The following BMP7 variants were observed in gnomAD, a reference collection of about 807,000 sequenced individuals.
The protein encoded by BMP7 is osteogenic protein 1.
Under a neutral mutation model 41.2 loss-of-function variants are expected in BMP7, and 12 were observed. The observed-to-expected ratio is 0.29, with a 90% CI of 0.19 to 0.47. The LOEUF is 0.47. BMP7 is among the 20% of genes least tolerant of loss of function. The probability of loss-of-function intolerance (pLI) is 0.99; values close to 1 mark genes in which losing one functional copy is unlikely to be tolerated. For synonymous variants in BMP7, 248 were observed against 250.0 expected, an observed-to-expected ratio of 0.99 and a Z score of 0.07; for missense variants, 467 against 606.0, an observed-to-expected ratio of 0.77 and a Z score of 2.41.
chr20:57,211,424 C>A (rs1351541561), intron 2 of BMP7, among the ~76,000 whole-genome samples: 3 of 151,580 alleles, frequency 2.0e-5, no homozygotes, highest in Non-Finnish European at 2.9e-5. Flanking sequence ...GGCCCACCAT[C>A]AAAAAAAAGG....
chr20:57,191,137 CA>C (rs1425619765), intron 3 of BMP7, among the ~76,000 whole-genome samples: 6 of 152,182 alleles, frequency 3.9e-5, no homozygotes, highest in Non-Finnish European at 5.9e-5. Context: ...GTCTGACCTA[CA>C]AAACCCAAGA....
intron 4 of BMP7, among the ~76,000 whole-genome samples, chr20:57,175,724 C>T (rs1265903366): frequency 6.6e-6 from 1 of 152,202 alleles, no homozygotes; most frequent in Non-Finnish European, 1.5e-5. Flanking sequence ...TTCCTTCCAC[C>T]CCACAACAGA....
intron 2 of BMP7, among the ~76,000 whole-genome samples, chr20:57,205,553 A>G (rs1984711248): frequency 6.6e-6 from 1 of 152,202 alleles, no homozygotes. Flanking sequence ...TCTCCTACTG[A>G]ATCAGGCTCC....
chr20:57,225,168 G>T (rs1985281870), intron 2 of BMP7, among the ~76,000 whole-genome samples: 1 of 152,216 alleles, frequency 6.6e-6, no homozygotes, highest in Non-Finnish European at 1.5e-5. Flanking sequence ...GCGGGCCCAG[G>T]TTGGGGACAT....
At chr20:57,260,907 A>G (rs2066151673) in intron 1 of BMP7, among the ~76,000 whole-genome samples, 1 of 152,230 alleles carries the variant, frequency 6.6e-6, no homozygotes, top group Non-Finnish European at 1.5e-5. Flanking sequence ...CATGGTGCAA[A>G]GGGCTCCCCA....
chr20:57,242,140 G>C (rs912270616), intron 1 of BMP7, among the ~76,000 whole-genome samples: 1 of 152,218 alleles, frequency 6.6e-6, no homozygotes, highest in African/African-American at 2.4e-5. Context: ...TTCTCAGCCA[G>C]AGCTGACTTT....
chr20:57,175,187 C>T (rs530565073), intron 4 of BMP7, among the ~76,000 whole-genome samples, 180 bp from the exon 5 acceptor site: 4 of 152,350 alleles, frequency 2.6e-5, no homozygotes, highest in Non-Finnish European at 4.4e-5. Context: ...CTCATTTCTA[C>T]CCCCAGCAAA....
At chr20:57,222,421 A>G (rs1325551705) in intron 2 of BMP7, among the ~76,000 whole-genome samples, 8 of 152,110 alleles carry the variant, frequency 5.3e-5, no homozygotes, top group African/African-American at 1.9e-4. Flanking sequence ...GATTGAACAC[A>G]GTGGTTTGCC....
intron 3 of BMP7, among the ~76,000 whole-genome samples, chr20:57,185,345 C>T (rs73914109): frequency 0.02 from 3,018 of 152,232 alleles, 91 homozygotes; most frequent in African/African-American, 0.069. Flanking sequence ...GGTGATGTCT[C>T]GAATAACAAG....
At chr20:57,187,270 G>A (rs970966483) in intron 3 of BMP7, 2 of 152,226 alleles carry the variant, frequency 1.3e-5, no homozygotes, top group African/African-American at 4.8e-5. Flanking sequence ...GCTGGGGCCT[G>A]AATTTCCTCA....
intron 2 of BMP7, among the ~76,000 whole-genome samples, chr20:57,219,324 G>A (rs1425628754): frequency 7.9e-6 from 1 of 125,870 alleles, no homozygotes; most frequent in South Asian, 2.1e-4. Flanking sequence ...GTGGGAAGAA[G>A]ACAGGGTGGG....
intron 3 of BMP7, among the ~76,000 whole-genome samples, chr20:57,202,000 G>A (rs115206756): frequency 0.015 from 2,232 of 152,324 alleles, 62 homozygotes; most frequent in African/African-American, 0.051. Context: ...ACAATCTGGC[G>A]ATGTCTGGAG....
chr20:57,191,216 T>C (rs980044021), intron 3 of BMP7, among the ~76,000 whole-genome samples: 17 of 152,170 alleles, frequency 1.1e-4, no homozygotes, highest in African/African-American at 4.1e-4. Flanking sequence ...CATCAACCAG[T>C]GCCTGAAGAT....
chr20:57,179,030 A>C (rs572147307), intron 4 of BMP7, among the ~76,000 whole-genome samples: 7 of 152,324 alleles, frequency 4.6e-5, no homozygotes, highest in Admixed American at 1.3e-4. Context: ...ACCCAAGGCC[A>C]AACAGACCAA....
chr20:57,176,217 C>G (rs187993702), intron 4 of BMP7, among the ~76,000 whole-genome samples: 4 of 152,332 alleles, frequency 2.6e-5, no homozygotes, highest in Admixed American at 2.6e-4. Context: ...GCCCCCCTGG[C>G]CAACTACAGC....
chr20:57,232,852 TACACACACACACAC>T (rs60368986), intron 1 of BMP7, among the ~76,000 whole-genome samples: 193 of 138,136 alleles, frequency 1.4e-3, no homozygotes, highest in African/African-American at 3.3e-3. Flanking sequence ...AGTCATGAAG[TACACACACACACAC>T]ACACACACAC....
intron 2 of BMP7, among the ~76,000 whole-genome samples, chr20:57,221,195 G>A (rs1053110496): frequency 6.6e-6 from 1 of 152,236 alleles, no homozygotes; most frequent in East Asian, 1.9e-4. Flanking sequence ...AGCCCCACAC[G>A]GTTCAGCAAG....
intron 1 of BMP7, among the ~76,000 whole-genome samples, chr20:57,251,299 G>A (rs1029855642): frequency 8.5e-5 from 13 of 152,202 alleles, no homozygotes; most frequent in Non-Finnish European, 1.6e-4. Context: ...TGCCTGAGTC[G>A]GGGAGGTGGG....
chr20:57,218,409 A>AGCTGGTGTTTGTTTGGTGGTG (rs1985084329), intron 2 of BMP7, among the ~76,000 whole-genome samples: 1 of 151,584 alleles, frequency 6.6e-6, no homozygotes, highest in Non-Finnish European at 1.5e-5. Context: ...GTTTGGTGGT[A>AGCTGGTGTTTGTTTGGTGGTG]GCTGGTGTTT....
Sources: gnomAD v4.1 joint callset for allele counts (sites outside exome capture counted in the v4.1 genomes callset) on GRCh38, gnomAD v4.1.1 for gene constraint, MANE v1.5 for transcripts, NCBI Gene and HGNC (gene_info 2026-07-23, HGNC 2026-07-21) for gene names.